The following SLCO1B1 variants were observed in gnomAD, a reference collection of about 807,000 sequenced individuals.
SLCO1B1 encodes the protein solute carrier organic anion transporter family member 1B1.
In SLCO1B1, 81 loss-of-function variants were observed where a neutral mutation model predicts 70.1. The observed-to-expected ratio is 1.16, with a 90% CI of 0.97 to 1.39. The LOEUF (loss-of-function observed/expected upper bound fraction) is 1.39. Among genes scored for constraint, SLCO1B1 ranks in the 40% most tolerant of loss-of-function variants. SLCO1B1 has a pLI of 0.00. For synonymous variants in SLCO1B1, 283 were observed against 271.5 expected (o/e 1.04, Z -0.42); for missense variants, 895 against 799.6 (o/e 1.12, Z -1.44).
chr12:21,172,861 G>A (rs747455315), intron 3 of SLCO1B1, 70 bp downstream of exon 3: 69 of 1,390,040 alleles, frequency 5.0e-5, no homozygotes, highest in Non-Finnish European at 6.6e-5. Flanking sequence ...TACACCACTG[G>A]TTATCAACTG....
At chr12:21,211,578 A>G (rs1404147154) in intron 11 of SLCO1B1, among the ~76,000 whole-genome samples, 1 of 152,144 alleles carries the variant, frequency 6.6e-6, no homozygotes, top group African/African-American at 2.4e-5. Flanking sequence ...GGCCTCATAA[A>G]ATGAGTTAGG....
intron 2 of SLCO1B1, among the ~76,000 whole-genome samples, chr12:21,169,310 A>G (rs1940730263): frequency 6.6e-6 from 1 of 152,176 alleles, no homozygotes; most frequent in African/African-American, 2.4e-5. Flanking sequence ...AATGGGGTCC[A>G]TAATTTACAA....
chr12:21,235,290 T>G (rs1016559995), intron 14 of SLCO1B1, among the ~76,000 whole-genome samples: 4 of 151,936 alleles, frequency 2.6e-5, no homozygotes, highest in Non-Finnish European at 5.9e-5. Context: ...TTTATCATTA[T>G]GTAATGCACT....
Position 21,167,172 on chromosome 12 carries a change from T to C in SLCO1B1, c.85-5478T>C, listed in dbSNP as rs1327950230. Among the ~76,000 whole-genome samples the C allele has an allele frequency of 2.6e-5, 4 of 152,214 alleles. No individual in the cohort carries two copies. The East Asian group carries it at 7.7e-4, about 29-fold the overall frequency. The stretch of plus-strand genomic sequence containing the variant: ...CAAAAAACATGGTAGAGATCATCTT[T>C]ATAGTTTTTTATAATAATCCTCTTG... On this transcript the variant is annotated intron_variant, in intron 2 of 14. Coordinates refer to ENST00000256958, the MANE Select transcript of SLCO1B1 (RefSeq NM_006446.5).
intron 2 of SLCO1B1, among the ~76,000 whole-genome samples, chr12:21,167,742 CTAAG>C (rs1489627303): frequency 6.6e-6 from 1 of 151,702 alleles, no homozygotes; most frequent in Non-Finnish European, 1.5e-5. Context: ...CTCCTCAGTT[CTAAG>C]TAAGTACCTT....
chr12:21,171,442 T>G (rs1041064900), intron 2 of SLCO1B1, among the ~76,000 whole-genome samples: 3 of 152,132 alleles, frequency 2.0e-5, no homozygotes, highest in African/African-American at 7.2e-5. Flanking sequence ...TGGAAAAACT[T>G]GATATGACTA....
chr12:21,156,244 T>G (rs1258424587), intron 2 of SLCO1B1, among the ~76,000 whole-genome samples: 1 of 152,124 alleles, frequency 6.6e-6, no homozygotes, highest in Non-Finnish European at 1.5e-5. Flanking sequence ...TAAAAAATTA[T>G]GTCAAAGTCT....
intron 7 of SLCO1B1, among the ~76,000 whole-genome samples, chr12:21,188,997 CT>C (rs1429227028): frequency 6.6e-6 from 1 of 152,070 alleles, no homozygotes. Context: ...ACAATATTTT[CT>C]TTATCCATTT....
intron 11 of SLCO1B1, among the ~76,000 whole-genome samples, chr12:21,216,340 T>C (rs1404860398): frequency 6.6e-6 from 1 of 152,162 alleles, no homozygotes; most frequent in Non-Finnish European, 1.5e-5. Context: ...TAAATTCTTC[T>C]ACAATTCTTC....
chr12:21,202,738 GAGTCTCTGTATA>G, intron 10 of SLCO1B1, 52 bp downstream of exon 10: 1 of 1,405,666 alleles, frequency 7.1e-7, no homozygotes, highest in East Asian at 2.3e-5. Context: ...ATCAAATTAA[GAGTCTCTGTATA>G]AGTAATATAA....
chr12:21,239,453 T>A lies in SLCO1B1; in HGVS notation c.*264T>A, dbSNP rs1351694882. Among the ~76,000 whole-genome samples the A allele has an allele frequency of 6.6e-6, 1 of 152,218 alleles. No homozygotes were observed. The highest frequency in any genetic ancestry group is 1.5e-5 in the Non-Finnish European group (1 of 68,032). On this transcript the variant is annotated 3_prime_UTR_variant, in exon 15 of 15. Transcript: ENST00000256958. The stretch of plus-strand genomic sequence containing the variant: ...TACAAATTAAAGTGAGAGACATGGT[T>A]ACTGTGTAATAAAAGAAAAAATACT...
intron 7 of SLCO1B1, among the ~76,000 whole-genome samples, chr12:21,191,875 T>A (rs1941033418): frequency 6.6e-6 from 1 of 152,162 alleles, no homozygotes; most frequent in African/African-American, 2.4e-5. Context: ...ATCTGCATAT[T>A]TGATCATGTA....
intron 13 of SLCO1B1, among the ~76,000 whole-genome samples, chr12:21,222,812 G>A (rs928518952): frequency 3.9e-5 from 6 of 152,192 alleles, no homozygotes; most frequent in South Asian, 2.1e-4. Context: ...CTTGGGAAGC[G>A]TGGGAATCTG....
chr12:21,202,969 A>AAAGT (rs1941175514), intron 10 of SLCO1B1, among the ~76,000 whole-genome samples: 1 of 152,092 alleles, frequency 6.6e-6, no homozygotes, highest in Non-Finnish European at 1.5e-5. Flanking sequence ...ATGAATGGGA[A>AAAGT]AAGTAAGGCT....
rs539173777 is a variant in SLCO1B1 at position 21,144,836 on chromosome 12, A to C, written c.84+3178A>C. On this transcript the variant is annotated intron_variant, in intron 2 of 14. Coordinates refer to ENST00000256958, the MANE Select transcript of SLCO1B1 (RefSeq NM_006446.5). ...AACTAAGCTTCATAAGTAAAGAAAAAATATTATTTTCGGTCAAGCAAATGC... is the reference window on the plus strand; with the variant it reads ...AACTAAGCTTCATAAGTAAAGAAAACATATTATTTTCGGTCAAGCAAATGC... Among the ~76,000 whole-genome samples the C allele has an allele frequency of 2.0e-5, 3 of 152,278 alleles. No homozygotes were observed. In the East Asian group the frequency reaches 5.8e-4, roughly 29 times the overall value.
chr12:21,141,371 C>T (rs550371797), intron 1 of SLCO1B1, 143 bp from the exon 2 acceptor site: 4 of 389,400 alleles, frequency 1.0e-5, no homozygotes, highest in Non-Finnish European at 1.9e-5. Flanking sequence ...CCAGCATTGA[C>T]CTAGCAGAGT....
intron 3 of SLCO1B1, among the ~76,000 whole-genome samples, chr12:21,174,004 A>G (rs1940788542): frequency 6.6e-6 from 1 of 151,772 alleles, no homozygotes; most frequent in African/African-American, 2.4e-5. Context: ...TGATCCACCC[A>G]CCTCAGCCTC....
intron 10 of SLCO1B1, among the ~76,000 whole-genome samples, chr12:21,203,843 T>C (rs890289372): frequency 5.9e-5 from 9 of 152,056 alleles, no homozygotes. Flanking sequence ...AGTCACACAA[T>C]GTCTTTAGAC....
chr12:21,187,417 A>G (rs1940975207), intron 7 of SLCO1B1, among the ~76,000 whole-genome samples: 1 of 152,102 alleles, frequency 6.6e-6, no homozygotes, highest in African/African-American at 2.4e-5. Context: ...AGTTCTTTTC[A>G]TATCAGTCGA....
Sources: gnomAD v4.1 joint callset for allele counts (sites outside exome capture counted in the v4.1 genomes callset) on GRCh38, gnomAD v4.1.1 for gene constraint, MANE v1.5 for transcripts, NCBI Gene and HGNC (gene_info 2026-07-23, HGNC 2026-07-21) for gene names.